TMEM132D: variants seen among roughly 807,000 people sequenced by gnomAD.
TMEM132D encodes transmembrane protein 132D.
Under a neutral mutation model 62.3 loss-of-function variants are expected in TMEM132D, and 21 were observed. The observed-to-expected ratio is 0.34, with a 90% CI of 0.24 to 0.49. The LOEUF is 0.49. Among genes scored for constraint, TMEM132D ranks in the 20% least tolerant of loss-of-function variants. TMEM132D has a pLI of 0.99. For synonymous variants in TMEM132D, 621 were observed against 575.6 expected, an observed-to-expected ratio of 1.08 and a Z score of -1.13; for missense variants, 1,346 against 1,402.8, an observed-to-expected ratio of 0.96 and a Z score of 0.65.
chr12:129,390,867 G>T (rs1871272049), intron 3 of TMEM132D, among the ~76,000 whole-genome samples: 1 of 152,156 alleles, frequency 6.6e-6, no homozygotes, highest in Non-Finnish European at 1.5e-5. Flanking sequence ...CTATTGGTTG[G>T]ATGTAGGCTT....
intron 1 of TMEM132D, among the ~76,000 whole-genome samples, chr12:129,767,313 T>C (rs1242696622): frequency 6.6e-6 from 1 of 152,188 alleles, no homozygotes; most frequent in East Asian, 1.9e-4. Context: ...AGTTAATCTG[T>C]CTCGTGTTAA....
intron 5 of TMEM132D, among the ~76,000 whole-genome samples, chr12:129,147,257 T>A (rs1336884311): frequency 3.3e-5 from 5 of 150,868 alleles, no homozygotes; most frequent in Non-Finnish European, 5.9e-5. Context: ...TATGTATATA[T>A]ACATATGTGC....
At chr12:129,700,909 T>A (rs1419409913) in intron 1 of TMEM132D, among the ~76,000 whole-genome samples, 3 of 152,122 alleles carry the variant, frequency 2.0e-5, no homozygotes, top group Non-Finnish European at 4.4e-5. Flanking sequence ...AAAACCAGTA[T>A]CATTTAACCT....
intron 3 of TMEM132D, among the ~76,000 whole-genome samples, chr12:129,462,099 C>A (rs564652111): frequency 6.6e-6 from 1 of 152,248 alleles, no homozygotes; most frequent in African/African-American, 2.4e-5. Flanking sequence ...AAAACCCAGG[C>A]TTTTCTACTG....
chr12:129,183,559 G>A lies in TMEM132D; in HGVS notation c.1443+25961C>T, dbSNP rs114951244. Among the ~76,000 whole-genome samples the A allele has an allele frequency of 8.7e-3, 1,325 of 152,324 alleles. 13 individuals are homozygous for A. The highest frequency in any genetic ancestry group is 0.03 in the African/African-American group (1,237 of 41,564). On this transcript the variant is annotated intron_variant, in intron 5 of 8. Coordinates refer to ENST00000422113, the MANE Select transcript of TMEM132D (RefSeq NM_133448.3). ...CTAGTGTTTTGGGCCTGAGGTTGATGCCAACGGTCTTTCAGCCACACGGGA... is the reference window on the plus strand; with the variant it reads ...CTAGTGTTTTGGGCCTGAGGTTGATACCAACGGTCTTTCAGCCACACGGGA...
intron 1 of TMEM132D, among the ~76,000 whole-genome samples, chr12:129,895,392 T>C (rs1356732919): frequency 6.6e-6 from 1 of 152,198 alleles, no homozygotes; most frequent in Non-Finnish European, 1.5e-5. Context: ...GGATCACTTC[T>C]AAGTTTTGAG....
At chr12:129,292,375 G>A (rs1881469115) in intron 4 of TMEM132D, among the ~76,000 whole-genome samples, 1 of 152,160 alleles carries the variant, frequency 6.6e-6, no homozygotes, top group African/African-American at 2.4e-5. Flanking sequence ...GACTCCCGAG[G>A]AGCCAAAGAT....
At chr12:129,495,857 C>A (rs1393700694) in intron 3 of TMEM132D, among the ~76,000 whole-genome samples, 1 of 152,166 alleles carries the variant, frequency 6.6e-6, no homozygotes. Context: ...GTGTGTCCCA[C>A]TCTGCTGTAG....
chr12:129,870,027 C>T (rs1874189275), intron 1 of TMEM132D, among the ~76,000 whole-genome samples: 1 of 152,150 alleles, frequency 6.6e-6, no homozygotes, highest in Admixed American at 6.6e-5. Flanking sequence ...TTTGTTTTGT[C>T]ACCCAGGCTG....
At chr12:129,472,875 C>T (rs7971909) in intron 3 of TMEM132D, among the ~76,000 whole-genome samples, 3,167 of 150,430 alleles carry the variant, frequency 0.021, 117 homozygotes, top group African/African-American at 0.068. Flanking sequence ...TATTTTAAGA[C>T]TTTTTTTTTT....
At chr12:129,315,787 G>A (rs971335352) in intron 4 of TMEM132D, among the ~76,000 whole-genome samples, 1 of 151,912 alleles carries the variant, frequency 6.6e-6, no homozygotes, top group Non-Finnish European at 1.5e-5. Flanking sequence ...TTTTTTGTTG[G>A]TAATTTTTAA....
intron 3 of TMEM132D, among the ~76,000 whole-genome samples, chr12:129,340,273 A>T (rs1237639968): frequency 6.6e-6 from 1 of 151,992 alleles, no homozygotes; most frequent in African/African-American, 2.4e-5. Context: ...CTCTCTATGA[A>T]GTGGTGATGA....
intron 3 of TMEM132D, among the ~76,000 whole-genome samples, chr12:129,438,694 G>T (rs529157633): frequency 2.0e-5 from 3 of 152,132 alleles, no homozygotes; most frequent in Non-Finnish European, 2.9e-5. Flanking sequence ...TCTGACACCT[G>T]TATAAGCGAC....
In TMEM132D at chr12:129,381,575, C is replaced by T. The variant is rs535705670; in HGVS notation, c.1116-43758G>A. On this transcript the variant is annotated intron_variant, in intron 3 of 8. Coordinates refer to ENST00000422113, the MANE Select transcript of TMEM132D (RefSeq NM_133448.3). ...TGTAAACTCAAACACAACCAGGTTG[C>T]GAGATTTTCCCCAACATTCTGTGGC... Among the ~76,000 whole-genome samples, 16 of 152,294 alleles carry T rather than the reference C, an allele frequency of 1.1e-4. 1 individual carries two copies. The highest frequency in any genetic ancestry group is 4.1e-4 in the South Asian group (2 of 4,824).
chr12:129,291,387 T>C (rs1881442619), intron 4 of TMEM132D, among the ~76,000 whole-genome samples: 1 of 152,228 alleles, frequency 6.6e-6, no homozygotes, highest in Non-Finnish European at 1.5e-5. Context: ...ATCTTATCTA[T>C]AATCTTTCCA....
intron 2 of TMEM132D, among the ~76,000 whole-genome samples, chr12:129,683,471 G>A (rs1311384511): frequency 1.3e-5 from 2 of 152,140 alleles, no homozygotes; most frequent in Non-Finnish European, 2.9e-5. Flanking sequence ...TTATTGCATT[G>A]AGCAATCTCA....
chr12:129,816,278 A>T (rs1357175940), intron 1 of TMEM132D, among the ~76,000 whole-genome samples: 2 of 152,240 alleles, frequency 1.3e-5, no homozygotes, highest in Non-Finnish European at 2.9e-5. Context: ...TAAAAACTTC[A>T]ACATCTTCTG....
At chr12:129,554,583 C>T (rs562657249) in intron 2 of TMEM132D, among the ~76,000 whole-genome samples, 31 of 152,232 alleles carry the variant, frequency 2.0e-4, no homozygotes, top group South Asian at 6.2e-4. Context: ...TTTAGACAAC[C>T]CTCTCTTCTG....
At chr12:129,180,034 A>G (rs1372412906) in intron 5 of TMEM132D, among the ~76,000 whole-genome samples, 1 of 112,442 alleles carries the variant, frequency 8.9e-6, no homozygotes, top group Non-Finnish European at 2.0e-5. Flanking sequence ...TCTCAAAAAG[A>G]AAATAAAAAA....
Sources: allele counts gnomAD v4.1 joint callset (sites outside exome capture counted in the v4.1 genomes callset), GRCh38; gene constraint gnomAD v4.1.1; transcripts MANE v1.5; gene names NCBI Gene and HGNC (gene_info 2026-07-23, HGNC 2026-07-21).